DMD: variants seen among roughly 807,000 people sequenced by gnomAD.
The protein encoded by DMD is dystrophin.
A neutral mutation model predicts 330.1 loss-of-function variants in DMD; 63 were observed. The ratio of observed to expected loss-of-function variants is 0.19; its 90% confidence interval spans 0.16 to 0.24. The LOEUF (loss-of-function observed/expected upper bound fraction) is 0.24, where lower values mean the gene tolerates loss of function less well. Ranked by LOEUF, DMD falls within the 10% of genes least tolerant of loss-of-function variation. The probability of loss-of-function intolerance (pLI) is 1.00; values close to 1 mark genes in which losing one functional copy is unlikely to be tolerated. For synonymous variants in DMD, 1,223 were observed against 959.8 expected (o/e 1.27, Z -5.07); for missense variants, 3,344 against 2,684.1 (o/e 1.25, Z -5.43).
intron 57 of DMD, among the ~76,000 whole-genome samples, chrX:31,495,146 ATT>A (rs200871556): frequency 3.2e-5 from 3 of 94,296 alleles, no homozygotes; most frequent in Non-Finnish European, 2.1e-5. Context: ...TTTCCCTGGC[ATT>A]TTTTTTTTTT....
At chrX:32,664,123 C>G (rs1195361764) in intron 9 of DMD, among the ~76,000 whole-genome samples, 1 of 110,381 alleles carries the variant, frequency 9.1e-6, no homozygotes, top group Non-Finnish European at 1.9e-5. Flanking sequence ...AGCAGGCAGG[C>G]TTGTTTAAAA....
intron 55 of DMD, among the ~76,000 whole-genome samples, chrX:31,592,471 A>G (rs2076923921): frequency 1.9e-5 from 2 of 106,447 alleles, no homozygotes; most frequent in African/African-American, 6.8e-5. Context: ...TAACCAAGTC[A>G]ATTTTTAATT....
intron 29 of DMD, among the ~76,000 whole-genome samples, chrX:32,436,100 T>A (rs2098260215): frequency 8.9e-6 from 1 of 112,191 alleles, no homozygotes; most frequent in Non-Finnish European, 1.9e-5. Context: ...ATTGGGTCAA[T>A]GAAGGAAACT....
At chrX:31,799,794 G>A (rs1320876913) in intron 50 of DMD, among the ~76,000 whole-genome samples, 1 of 112,278 alleles carries the variant, frequency 8.9e-6, no homozygotes, top group African/African-American at 3.2e-5. Flanking sequence ...ACAATGGGGG[G>A]TACAGGCATT....
intron 1 of DMD, among the ~76,000 whole-genome samples, chrX:33,179,693 CAA>C (rs758474479): frequency 9.5e-5 from 6 of 63,134 alleles, no homozygotes; most frequent in Non-Finnish European, 9.6e-5. Flanking sequence ...GACTCCGTCT[CAA>C]AAAAAAAAAA....
chrX:32,918,437 G>A (rs1275260381), intron 2 of DMD, among the ~76,000 whole-genome samples: 1 of 110,884 alleles, frequency 9.0e-6, no homozygotes, highest in Non-Finnish European at 1.9e-5. Flanking sequence ...TGCAACCTCT[G>A]CCTCCCGCCT....
chrX:31,270,648 A>G (rs2051556862), intron 62 of DMD, among the ~76,000 whole-genome samples: 1 of 112,129 alleles, frequency 8.9e-6, no homozygotes, highest in African/African-American at 3.2e-5. Context: ...GAAAGGGCTT[A>G]GTGTGACAAT....
intron 55 of DMD, among the ~76,000 whole-genome samples, chrX:31,529,649 C>A (rs1269273266): frequency 8.9e-6 from 1 of 111,891 alleles, no homozygotes; most frequent in African/African-American, 3.3e-5. Flanking sequence ...CTGTTTCTTA[C>A]ATTCAGGGAA....
Position 31,891,316 on chromosome X carries a change from T to C in DMD, c.6913-15943A>G, listed in dbSNP as rs2094246738. On this transcript the variant is annotated intron_variant, in intron 47 of 78. Coordinates refer to ENST00000357033, the MANE Select transcript of DMD (RefSeq NM_004006.3). Reference sequence around the variant, plus strand: ...AGCAAAGAAAAAAAGAGAATATGGATATAAATTTGAAAAAGAAAAATACTT... The same window carrying C: ...AGCAAAGAAAAAAAGAGAATATGGACATAAATTTGAAAAAGAAAAATACTT... Among the ~76,000 whole-genome samples, 2 of 111,233 alleles carry C rather than the reference T, an allele frequency of 1.8e-5. 1 individual carries two copies. The highest frequency in any genetic ancestry group is 7.5e-4 in the South Asian group (2 of 2,671).
At chrX:32,067,313 A>G (rs767232287) in intron 44 of DMD, among the ~76,000 whole-genome samples, 65 of 111,610 alleles carry the variant, frequency 5.8e-4, no homozygotes, top group Middle Eastern at 4.6e-3. Context: ...TGTATAATAC[A>G]TTAGATACTT....
At chrX:33,223,267 T>C (rs138090517) in intron 1 of DMD, among the ~76,000 whole-genome samples, 3,778 of 111,731 alleles carry the variant, frequency 0.034, 164 homozygotes, top group African/African-American at 0.12. Context: ...GCCGAGATCA[T>C]GCCATTGCAC....
intron 52 of DMD, among the ~76,000 whole-genome samples, chrX:31,721,677 TCTCTCTCA>T (rs1257626517): frequency 4.0e-4 from 19 of 47,571 alleles, no homozygotes; most frequent in African/African-American, 2.4e-3. Flanking sequence ...AATCTCTCTC[TCTCTCTCA>T]CTCTCTCTCT....
At chrX:33,276,947 C>T (rs981758136) in intron 1 of DMD, among the ~76,000 whole-genome samples, 9 of 111,845 alleles carry the variant, frequency 8.0e-5, no homozygotes, top group Non-Finnish European at 1.3e-4. Context: ...AATCCATAAA[C>T]CTTCTTCTGA....
At chrX:31,539,802 C>T (rs1020144405) in intron 55 of DMD, among the ~76,000 whole-genome samples, 1 of 112,010 alleles carries the variant, frequency 8.9e-6, no homozygotes, top group Non-Finnish European at 1.9e-5. Context: ...ATTGATTCAA[C>T]GTCTATTAAC....
At chrX:31,760,227 GA>G (rs2089463170) in intron 51 of DMD, among the ~76,000 whole-genome samples, 1 of 112,011 alleles carries the variant, frequency 8.9e-6, no homozygotes, top group Non-Finnish European at 1.9e-5. Context: ...AACTAGAAAT[GA>G]TAGTATATTT....
Position 32,980,386 on chromosome X carries a change from A to C in DMD, c.93+39753T>G, listed in dbSNP as rs1350693344. Among the ~76,000 whole-genome samples the C allele has an allele frequency of 1.9e-3, 205 of 106,360 alleles. 1 individual carries two copies. The highest frequency in any genetic ancestry group is 6.9e-3 in the African/African-American group (199 of 28,821). The allele number at this position is 106,360 out of a possible 115,157, so 92.4% of individuals were successfully genotyped here. A position where few individuals can be genotyped will look rare whatever the true frequency, so the allele number is the denominator to read the frequency against. On this transcript the variant is annotated intron_variant, in intron 2 of 78. Transcript: ENST00000357033. Reference sequence around the variant, plus strand: ...TCTGTCTCAAAAAAAAAAAAAAAAAAAAAAAAAGGAGTAAAATGGAGTACA... The same window carrying C: ...TCTGTCTCAAAAAAAAAAAAAAAAACAAAAAAAGGAGTAAAATGGAGTACA...
chrX:32,150,865 T>C (rs2096800487), intron 44 of DMD, among the ~76,000 whole-genome samples: 1 of 111,373 alleles, frequency 9.0e-6, no homozygotes, highest in Non-Finnish European at 1.9e-5. Context: ...AGCAAAAGGC[T>C]AGGGAAAGAG....
At chrX:32,615,309 G>A (rs758319219) in intron 11 of DMD, among the ~76,000 whole-genome samples, 1 of 111,452 alleles carries the variant, frequency 9.0e-6, no homozygotes, top group African/African-American at 3.3e-5. Context: ...TGAATTTAAA[G>A]TCCAAAGGCC....
intron 61 of DMD, among the ~76,000 whole-genome samples, chrX:31,337,851 G>C (rs897851454): frequency 1.8e-5 from 2 of 111,857 alleles, no homozygotes. Context: ...CCATGCCACC[G>C]GGCTAATTTC....
Sources: gnomAD v4.1 joint callset for allele counts (sites outside exome capture counted in the v4.1 genomes callset) on GRCh38, gnomAD v4.1.1 for gene constraint, MANE v1.5 for transcripts, NCBI Gene and HGNC (gene_info 2026-07-23, HGNC 2026-07-21) for gene names.